The following DNA2 variants were observed in gnomAD, a reference collection of about 807,000 sequenced individuals.
DNA2 encodes the protein DNA replication helicase/nuclease 2.
A neutral mutation model predicts 119.1 loss-of-function variants in DNA2; 101 were observed. The ratio of observed to expected loss-of-function variants is 0.85; its 90% CI spans 0.72 to 1.00. DNA2 has a LOEUF of 1.00. Among genes scored for constraint, DNA2 ranks in the 50% least tolerant of loss-of-function variants. The pLI is 0.00. For missense variants in DNA2, 1,121 were observed against 1,255.5 expected, an observed-to-expected ratio of 0.89 and a Z score of 1.62; for synonymous variants, 366 against 424.4, an observed-to-expected ratio of 0.86 and a Z score of 1.69.
chr10:68,469,787 A>T (rs2052365194), intron 2 of DNA2, among the ~76,000 whole-genome samples, 194 bp downstream of exon 2: 1 of 152,150 alleles, frequency 6.6e-6, no homozygotes, highest in Admixed American at 6.6e-5. Context: ...AAATGACAAC[A>T]AAAGTCAATT....
Position 68,442,937 on chromosome 10 carries a change from C to T in DNA2, c.1395G>A (p.Trp465Ter). ...KDNKKNHQNI[W>*]LMPASEMEKS... ...CTTACATTTCCGAAGCAGGCATTAG[C>T]CAGATATTTTGGTGATTCTTTTTAT... is the stretch of plus-strand genomic sequence containing the variant. The change falls in exon 9 of 21, where the codon TGG (tryptophan) becomes TGA (stop). Residue 465 changes from tryptophan to a stop codon, truncating the protein, a stop_gained. Coordinates refer to ENST00000358410, the MANE Select transcript of DNA2 (RefSeq NM_001080449.3). LOFTEE classifies it high-confidence loss of function. 1 of 1,612,104 alleles carries T rather than the reference C, an allele frequency of 6.2e-7. No individual in the cohort carries two copies. The highest frequency in any genetic ancestry group is 1.1e-5 in the South Asian group (1 of 90,524).
At chr10:68,441,601 C>G (rs1173694012) in intron 9 of DNA2, among the ~76,000 whole-genome samples, 1 of 152,024 alleles carries the variant, frequency 6.6e-6, no homozygotes, top group Non-Finnish European at 1.5e-5. Flanking sequence ...GATGGTGAAA[C>G]CCTGTCTCTA....
chr10:68,456,882 C>T (rs2052189327), intron 5 of DNA2, among the ~76,000 whole-genome samples: 2 of 151,226 alleles, frequency 1.3e-5, no homozygotes, highest in South Asian at 4.2e-4. Context: ...CGCCTGTAAT[C>T]CCAGCACTTT....
intron 14 of DNA2, among the ~76,000 whole-genome samples, chr10:68,428,591 G>T (rs543691259): frequency 1.3e-5 from 2 of 152,140 alleles, no homozygotes; most frequent in Non-Finnish European, 2.9e-5. Context: ...GAGGGTGAAT[G>T]GTTAAACACA....
rs1464825584 is a variant in DNA2 at position 68,469,268 on chromosome 10, G to A, written c.257+713C>T. On this transcript the variant is annotated intron_variant, in intron 2 of 20. Coordinates refer to ENST00000358410, the MANE Select transcript of DNA2 (RefSeq NM_001080449.3). ...AATCTTAGAATGTACTGGGAAGGCC[G>A]GGCGCGGTGGCTCACGCCTGTAATC... Among the ~76,000 whole-genome samples the A allele has an allele frequency of 6.7e-5, 10 of 149,754 alleles. 1 individual carries two copies. The highest frequency in any genetic ancestry group is 1.2e-4 in the African/African-American group (5 of 40,786).
intron 4 of DNA2, 23 bp downstream of exon 4, chr10:68,465,644 C>A: frequency 1.3e-6 from 2 of 1,521,474 alleles, no homozygotes; most frequent in Non-Finnish European, 1.8e-6. Context: ...ATTATACCTG[C>A]AGTTCTTCTT....
intron 19 of DNA2, among the ~76,000 whole-genome samples, chr10:68,417,464 A>G (rs1372409296): frequency 1.4e-5 from 2 of 146,336 alleles, no homozygotes; most frequent in African/African-American, 5.0e-5. Context: ...GGAGTTGCCC[A>G]TAAGCCCGGG....
chr10:68,438,070 G>A (rs912019750), intron 9 of DNA2, among the ~76,000 whole-genome samples: 9 of 152,060 alleles, frequency 5.9e-5, no homozygotes, highest in East Asian at 1.9e-4. Flanking sequence ...GCTAGGGATC[G>A]CCCCACCCTT....
At position 68,465,806 on chromosome 10, in the gene DNA2, C is replaced by A; in HGVS notation, c.448G>T (p.Asp150Tyr). The A allele has an allele frequency of 6.5e-7, 1 of 1,547,078 alleles. No individual in the cohort carries two copies. Among genetic ancestry groups the A allele is most frequent in the Non-Finnish European group, 8.7e-7 (1 of 1,147,664 alleles). Residue 150 changes from aspartate (D) to tyrosine (Y), a missense_variant, in exon 4 of 21, where the codon GAT (aspartate) becomes TAT (tyrosine). Transcript: ENST00000358410. ...ATTAGCATTTGGCGTGTGGCTGGAT[C>A]AGAGCTCTACAAAAGCAAATCACAC... ...AVLSETFRSS[D>Y]PATRQMLIGT...
chr10:68,437,172 T>C lies in DNA2; in HGVS notation c.1485A>G (p.Gln495=), dbSNP rs368855073. The stretch of plus-strand genomic sequence containing the variant: ...GTTTACATTGGAAATTATGTAAATA[T>C]TGCCCATCACAAACTATCTTTACAT... The part of the protein sequence containing the change: ...MEHVKIVCDG[Q]YLHNFQCKHG... Residue 495 remains glutamine (Q), a synonymous_variant, in exon 10 of 21, where the codon CAA becomes CAG. Transcript: ENST00000358410. 2.4e-5 allele frequency: 38 copies of C among 1,613,778 alleles called. No individual in the cohort carries two copies. Among genetic ancestry groups the C allele is most frequent in the Non-Finnish European group, 3.2e-5 (38 of 1,179,834 alleles).
intron 15 of DNA2, 35 bp from the exon 16 acceptor site, chr10:68,422,639 C>T (rs953218422): frequency 6.2e-7 from 1 of 1,612,916 alleles, no homozygotes; most frequent in Non-Finnish European, 8.5e-7. Flanking sequence ...TATCAGTGTA[C>T]TAAATCTGTT....
rs543070659 is a variant in DNA2, at chr10:68,460,244, T to A, written c.588-1009A>T. On this transcript the variant is annotated intron_variant, in intron 4 of 20. Transcript: ENST00000358410. ...CACTCAGCCTTCAGAGTAGCTGGAA[T>A]TACAGGCACACACCACCATGCTAAG... Among the ~76,000 whole-genome samples the A allele has an allele frequency of 2.6e-5, 4 of 151,956 alleles. No individual in the cohort carries two copies. The East Asian group carries it at 7.8e-4, about 29-fold the overall frequency.
intron 3 of DNA2, among the ~76,000 whole-genome samples, chr10:68,467,093 T>C (rs975502928): frequency 6.6e-6 from 1 of 151,940 alleles, no homozygotes; most frequent in East Asian, 1.9e-4. Context: ...CATCTCTTTG[T>C]ATGTTTGAAA....
chr10:68,443,458 G>C (rs1310805115), intron 8 of DNA2, among the ~76,000 whole-genome samples: 1 of 152,250 alleles, frequency 6.6e-6, no homozygotes, highest in Middle Eastern at 3.4e-3. Context: ...AGTGACGTAA[G>C]TACACATAAA....
At chr10:68,436,983 G>A in intron 10 of DNA2, 28 bp downstream of exon 10, 1 of 1,529,378 alleles carries the variant, frequency 6.5e-7, no homozygotes, top group Non-Finnish European at 9.0e-7. Flanking sequence ...CAATAAAGCT[G>A]TTATCAAAAA....
At position 68,430,642 on chromosome 10, in the gene DNA2, A is replaced by C. The variant is rs1457118078; in HGVS notation, c.2002T>G (p.Cys668Gly). 31 of 1,590,732 alleles carry C rather than the reference A, an allele frequency of 1.9e-5. No homozygotes were observed. Among genetic ancestry groups the C allele is most frequent in the Non-Finnish European group, 2.5e-5 (29 of 1,169,068 alleles). ...ICTLVRILYA[C>G]GFSVLLTSYT... ...CTGGTCAACAAAACGCTAAAACCAC[A>C]GGCGTAGAGAATTCTTACCTAATAA... Residue 668 changes from cysteine to glycine, a missense_variant, in exon 14 of 21, where the codon TGT becomes GGT. Cys to Gly is a radical substitution (Grantham distance 159). Coordinates refer to ENST00000358410, the MANE Select transcript of DNA2 (RefSeq NM_001080449.3).
chr10:68,426,683 C>G (rs2051746207), intron 14 of DNA2, among the ~76,000 whole-genome samples: 1 of 146,868 alleles, frequency 6.8e-6, no homozygotes, highest in South Asian at 2.2e-4. Flanking sequence ...TAAAAAAATA[C>G]AAAAAATTAG....
At position 68,428,025 on chromosome 10, in the gene DNA2, T is replaced by A. The variant is rs578230473; in HGVS notation, c.2208+2411A>T. On this transcript the variant is annotated intron_variant, in intron 14 of 20. Transcript: ENST00000358410. ...TCCAGCCTGGGCGCCAGAGCCAAAC[T>A]CCATCTCAGAAAAAAAAAAAAGCCC... 4.5e-5 allele frequency among the ~76,000 whole-genome samples: 6 copies of A among 134,438 alleles called. No individual in the cohort carries two copies. In the East Asian group the frequency reaches 1.3e-3, roughly 30 times the overall value. The allele number at this position is 134,438 out of a possible 152,430, so 88.2% of individuals were successfully genotyped here.
chr10:68,440,322 C>T (rs937191866), intron 9 of DNA2, among the ~76,000 whole-genome samples: 1 of 151,754 alleles, frequency 6.6e-6, no homozygotes, highest in Admixed American at 6.6e-5. Flanking sequence ...TTTTTTGAGA[C>T]GGAGTCTCTC....
Sources: gnomAD v4.1 joint callset for allele counts (sites outside exome capture counted in the v4.1 genomes callset) on GRCh38, gnomAD v4.1.1 for gene constraint, MANE v1.5 for transcripts, NCBI Gene and HGNC (gene_info 2026-07-23, HGNC 2026-07-21) for gene names.